Variants in SLC5A11 observed in about 807,000 individuals in gnomAD.
SLC5A11 encodes the protein sodium/myo-inositol cotransporter 2.
SLC5A11 carries 48 observed loss-of-function variants against 69.8 expected under a neutral mutation model. The ratio of observed to expected loss-of-function variants is 0.69; its 90% CI spans 0.55 to 0.87. The LOEUF is 0.87. SLC5A11 is among the 40% of genes least tolerant of loss of function. The pLI is 0.00. For missense variants in SLC5A11, 784 were observed against 866.1 expected, an observed-to-expected ratio of 0.91 and a Z score of 1.19; for synonymous variants, 319 against 342.4, an observed-to-expected ratio of 0.93 and a Z score of 0.75.
At chr16:24,904,999 C>T (rs919769983) in intron 10 of SLC5A11, among the ~76,000 whole-genome samples, 46 of 151,872 alleles carry the variant, frequency 3.0e-4, no homozygotes, top group African/African-American at 1.1e-3. Context: ...TCCATGTGTT[C>T]TTATTGTTCA....
At chr16:24,887,450 A>G (rs1377869129) in intron 8 of SLC5A11, among the ~76,000 whole-genome samples, 1 of 152,170 alleles carries the variant, frequency 6.6e-6, no homozygotes, top group Non-Finnish European at 1.5e-5. Context: ...ATTTCCCATC[A>G]AATAGGAAGA....
chr16:24,855,478 A>G (rs1042917101), intron 1 of SLC5A11, among the ~76,000 whole-genome samples: 22 of 151,052 alleles, frequency 1.5e-4, no homozygotes, highest in Non-Finnish European at 2.7e-4. Flanking sequence ...TGGTGCATCT[A>G]TAGTGCCAGC....
chr16:24,864,859 A>G (rs2046822665), intron 3 of SLC5A11, among the ~76,000 whole-genome samples: 1 of 152,188 alleles, frequency 6.6e-6, no homozygotes, highest in Non-Finnish European at 1.5e-5. Flanking sequence ...AATAAGTGAA[A>G]TAACATACTC....
chr16:24,908,478 A>G (rs62032844), intron 13 of SLC5A11, among the ~76,000 whole-genome samples: 19,673 of 151,400 alleles, frequency 0.13, 1,707 homozygotes, highest in Non-Finnish European at 0.2. Flanking sequence ...GGGCGCCTGT[A>G]ATCCCAGCTA....
chr16:24,868,844 T>C (rs2047087722), intron 3 of SLC5A11, among the ~76,000 whole-genome samples: 1 of 150,196 alleles, frequency 6.7e-6, no homozygotes, highest in South Asian at 2.1e-4. Flanking sequence ...TTCTTCTTGC[T>C]CCCTCCTTTC....
intron 5 of SLC5A11, among the ~76,000 whole-genome samples, chr16:24,875,266 C>T (rs1188886936): frequency 6.6e-6 from 1 of 152,220 alleles, no homozygotes; most frequent in Non-Finnish European, 1.5e-5. Context: ...GCACCCGCGA[C>T]CTCCTGAGCT....
In SLC5A11 at chr16:24,891,092, GAGCAAGTTTTTCCTTCTCTTT is replaced by G. The variant is rs758712735; in HGVS notation, c.870+19_870+39del. ...CGGATCAGGTACAGGACAGTGGCCT[GAGCAAGTTTTTCCTTCTCTTT>G]GCTTCTTTCCTTAGGGTGGCTGAAG... On this transcript the variant is annotated intron_variant, in intron 9 of 15. Coordinates refer to ENST00000347898, the Ensembl canonical transcript of SLC5A11. 5.1e-5 allele frequency: 82 copies of G among 1,604,144 alleles called. No homozygotes were observed. The African/African-American group carries it at 5.4e-4, about 10-fold the overall frequency.
At chr16:24,870,996 G>A (rs899914790) in intron 4 of SLC5A11, among the ~76,000 whole-genome samples, 3 of 152,042 alleles carry the variant, frequency 2.0e-5, no homozygotes, top group Non-Finnish European at 2.9e-5. Flanking sequence ...TATATAGCAG[G>A]GCTCATTTGG....
chr16:24,911,311 T>C lies in SLC5A11; in HGVS notation c.1823-17T>C, dbSNP rs2050507779. ...ACAGACCACCTCTACGGTCTTCCTT[T>C]GCTGGGTTCTTTCTAGGTGACATGA... On this transcript the variant is annotated splice_polypyrimidine_tract_variant and intron_variant, in intron 15 of 15. Coordinates refer to ENST00000347898, the Ensembl canonical transcript of SLC5A11. 6.2e-7 allele frequency: 1 copy of C among 1,613,204 alleles called. No homozygotes were observed.
At chr16:24,880,895 A>G (rs987539914) in intron 7 of SLC5A11, among the ~76,000 whole-genome samples, 2 of 152,088 alleles carry the variant, frequency 1.3e-5, no homozygotes, top group South Asian at 2.1e-4. Flanking sequence ...TTGACTTCTT[A>G]ATTGTTTTTA....
In SLC5A11 at chr16:24,874,798, T is replaced by A. The variant is rs139162865; in HGVS notation, c.373-829T>A. On this transcript the variant is annotated intron_variant, in intron 5 of 15. Transcript: ENST00000347898. Reference sequence around the variant, plus strand: ...GGTTTCGCCAAGTTGTCCAGGCTGGTGTTGAACTCTTGACCTCAGATGATC... The same window carrying A: ...GGTTTCGCCAAGTTGTCCAGGCTGGAGTTGAACTCTTGACCTCAGATGATC... Among the ~76,000 whole-genome samples, 35 of 152,210 alleles carry A rather than the reference T, an allele frequency of 2.3e-4. No homozygotes were observed. In the East Asian group the frequency reaches 6.0e-3, roughly 26 times the overall value.
intron 8 of SLC5A11, among the ~76,000 whole-genome samples, chr16:24,885,699 T>C (rs999110057): frequency 7.2e-5 from 9 of 125,312 alleles, no homozygotes; most frequent in African/African-American, 2.1e-4. Context: ...AAAACTAATA[T>C]AGAAAACACA....
intron 8 of SLC5A11, among the ~76,000 whole-genome samples, chr16:24,887,228 GACAGAA>G (rs1392975782): frequency 2.0e-5 from 3 of 152,198 alleles, no homozygotes; most frequent in African/African-American, 7.2e-5. Flanking sequence ...GAAGGTACAA[GACAGAA>G]ACAAAACAAA....
intron 10 of SLC5A11, among the ~76,000 whole-genome samples, chr16:24,905,288 A>C (rs1039363307): frequency 9.4e-5 from 14 of 148,390 alleles, no homozygotes; most frequent in African/African-American, 3.0e-4. Context: ...AAAAAAAAAA[A>C]AAAAAAAACC....
chr16:24,882,316 A>G (rs948809365), intron 7 of SLC5A11, among the ~76,000 whole-genome samples: 1 of 152,152 alleles, frequency 6.6e-6, no homozygotes, highest in African/African-American at 2.4e-5. Context: ...GTGGTACCCA[A>G]CACCAGGATC....
chr16:24,851,969 TTC>T (rs59768610), intron 1 of SLC5A11, among the ~76,000 whole-genome samples: 1,765 of 140,106 alleles, frequency 0.013, 21 homozygotes, highest in African/African-American at 0.024. Flanking sequence ...CTTCCCTTGC[TTC>T]TCTCTCTCTC....
chr16:24,881,066 C>T (rs1001510249), intron 7 of SLC5A11, among the ~76,000 whole-genome samples: 3 of 151,734 alleles, frequency 2.0e-5, no homozygotes, highest in Non-Finnish European at 4.4e-5. Flanking sequence ...ATTAGCCAGG[C>T]GTGGTGGCGG....
intron 4 of SLC5A11, among the ~76,000 whole-genome samples, chr16:24,870,428 A>G (rs1217844787): frequency 7.1e-6 from 1 of 140,464 alleles, no homozygotes; most frequent in Non-Finnish European, 1.5e-5. Context: ...AACAAAACAA[A>G]AAAAACAAAA....
chr16:24,851,648 G>A (rs1279915396), intron 1 of SLC5A11, among the ~76,000 whole-genome samples: 1 of 152,178 alleles, frequency 6.6e-6, no homozygotes, highest in Non-Finnish European at 1.5e-5. Context: ...AAAATGGACG[G>A]GGAACAGAAC....
Sources: allele counts gnomAD v4.1 joint callset (sites outside exome capture counted in the v4.1 genomes callset), GRCh38; gene constraint gnomAD v4.1.1; transcripts MANE v1.5; gene names NCBI Gene and HGNC (gene_info 2026-07-23, HGNC 2026-07-21).